EEF2K: variants seen among roughly 807,000 people sequenced by gnomAD.
EEF2K encodes eukaryotic elongation factor 2 kinase, also known as alternative protein EEF2K.
Under a neutral mutation model 93.8 loss-of-function variants are expected in EEF2K, and 70 were observed. That is an observed-to-expected ratio of 0.75 (90% CI 0.62 to 0.91). The LOEUF (loss-of-function observed/expected upper bound fraction) is 0.91. Ranked by LOEUF, EEF2K falls within the 40% of genes least tolerant of loss-of-function variation. EEF2K has a pLI of 0.00. For missense variants in EEF2K, 935 were observed against 972.9 expected, an observed-to-expected ratio of 0.96 and a Z score of 0.52; for synonymous variants, 376 against 380.8, an observed-to-expected ratio of 0.99 and a Z score of 0.15.
intron 13 of EEF2K, among the ~76,000 whole-genome samples, chr16:22,266,070 G>C (rs975173557): frequency 6.6e-6 from 1 of 152,070 alleles, no homozygotes; most frequent in African/African-American, 2.4e-5. Context: ...AATTGGAGCT[G>C]TATTAGCCGG....
chr16:22,276,440 T>C (rs1227696460), intron 16 of EEF2K, among the ~76,000 whole-genome samples: 2 of 152,178 alleles, frequency 1.3e-5, no homozygotes, highest in Admixed American at 1.3e-4. Context: ...TTCTTCCTTA[T>C]TCAAAGCAGT....
chr16:22,208,640 G>A (rs1445442046), intron 1 of EEF2K, among the ~76,000 whole-genome samples: 1 of 151,744 alleles, frequency 6.6e-6, no homozygotes, highest in Non-Finnish European at 1.5e-5. Flanking sequence ...GCTCACACCT[G>A]TAATCCCAGC....
At chr16:22,238,649 C>CAAA (rs111341257) in intron 2 of EEF2K, among the ~76,000 whole-genome samples, 2 of 75,644 alleles carry the variant, frequency 2.6e-5, no homozygotes, top group African/African-American at 1.0e-4. Context: ...TACCTGGTCT[C>CAAA]AAAAAAAAAG....
rs189363550 is a variant in EEF2K at position 22,280,299 on chromosome 16, G to C, written c.1991G>C (p.Arg664Pro). ...GEYDGMQDEP[R>P]YMMLAREAEM... is the part of the protein sequence containing the mutation. ...TACGACGGAATGCAGGACGAGCCCC[G>C]GTACATGATGCTGGCCAGGGAGGCC... Residue 664 changes from arginine (R) to proline (P), a missense_variant, in exon 17 of 18, where the codon CGG (arginine) becomes CCG (proline). Coordinates refer to ENST00000263026, the MANE Select transcript of EEF2K (RefSeq NM_013302.5). The C allele has an allele frequency of 1.2e-6, 2 of 1,608,742 alleles. No homozygotes were observed. Among genetic ancestry groups the C allele is most frequent in the Admixed American group, 1.7e-5 (1 of 59,240 alleles).
rs967048579 is a variant in EEF2K at position 22,284,218 on chromosome 16, A to G, written c.*222A>G. ...GTCTCTTAGGGCAGTATTTTGGGGA[A>G]GTGGGGCTTGAAGAAGCAGCCTAAT... On this transcript the variant is annotated 3_prime_UTR_variant, in exon 18 of 18. Transcript: ENST00000263026. 34 of 518,792 alleles carry G rather than the reference A, an allele frequency of 6.6e-5. No homozygotes were observed. Among genetic ancestry groups the G allele is most frequent in the African/African-American group, 6.1e-4 (32 of 52,498 alleles). The allele number at this position is 518,792 out of a possible 1,614,324, so 32.1% of individuals were successfully genotyped here. A position where few individuals can be genotyped will look rare whatever the true frequency, so the allele number is the denominator to read the frequency against.
intron 15 of EEF2K, among the ~76,000 whole-genome samples, chr16:22,273,291 AG>A (rs1385967484): frequency 6.6e-6 from 1 of 152,212 alleles, no homozygotes; most frequent in Non-Finnish European, 1.5e-5. Context: ...GTCTAGGGAA[AG>A]GGTAGTAACT....
At chr16:22,256,714 C>A (rs746500121) in intron 6 of EEF2K, 34 bp from the exon 7 acceptor site, 2 of 1,604,980 alleles carry the variant, frequency 1.2e-6, no homozygotes, top group African/African-American at 1.3e-5. Context: ...TGCGCCTGGG[C>A]CCTCCCGCCT....
chr16:22,256,749 T>C lies in EEF2K; in HGVS notation c.620T>C (p.Val207Ala). The stretch of plus-strand genomic sequence containing the variant: ...TGAGCCCACTCCCCATCCCACCAGG[T>C]GGACATCATGCAGATGTGCATCATC... ...EYNRHKPPKQVDIMQMCIIEL... is the reference protein window; with the variant it reads ...EYNRHKPPKQADIMQMCIIEL... The change falls in exon 7 of 18, where the codon GTG (valine) becomes GCG (alanine). Residue 207 changes from valine to alanine, a missense_variant and splice_region_variant. Physicochemically the swap from Val to Ala is moderately conservative, Grantham distance 64. Transcript: ENST00000263026. The C allele has an allele frequency of 6.2e-7, 1 of 1,613,650 alleles. No homozygotes were observed. Among genetic ancestry groups the C allele is most frequent in the South Asian group, 1.1e-5 (1 of 91,040 alleles).
At chr16:22,228,538 A>C (rs1360149050) in intron 2 of EEF2K, among the ~76,000 whole-genome samples, 3 of 152,220 alleles carry the variant, frequency 2.0e-5, no homozygotes, top group East Asian at 1.9e-4. Context: ...TTGGAAACCA[A>C]AGAGAACTTT....
chr16:22,272,668 CTT>C (rs34054772), intron 15 of EEF2K, among the ~76,000 whole-genome samples: 24,071 of 142,914 alleles, frequency 0.17, 2,879 homozygotes, highest in African/African-American at 0.36. Context: ...CGGATGTGTA[CTT>C]TTTTTTTTTT....
At chr16:22,212,132 T>C (rs750355999) in intron 1 of EEF2K, among the ~76,000 whole-genome samples, 6 of 152,192 alleles carry the variant, frequency 3.9e-5, no homozygotes, top group Non-Finnish European at 8.8e-5. Context: ...ATATTTTGTG[T>C]TTCATATTCC....
chr16:22,272,279 C>T (rs1421196795), intron 15 of EEF2K, among the ~76,000 whole-genome samples: 3 of 152,070 alleles, frequency 2.0e-5, no homozygotes, highest in Non-Finnish European at 4.4e-5. Flanking sequence ...GAAAACAACC[C>T]AAATGTCTGT....
Position 22,226,919 on chromosome 16 carries a change from G to A in EEF2K, c.246+944G>A, listed in dbSNP as rs1598168693. ...CCCTGTCTCTCAAAAAATAAAATAG[G>A]CTGGGTGCAGTGGCTTACGCCTGTA... is the stretch of plus-strand genomic sequence containing the variant. On this transcript the variant is annotated intron_variant, in intron 2 of 17. Transcript: ENST00000263026. Among the ~76,000 whole-genome samples the A allele has an allele frequency of 2.0e-5, 3 of 152,280 alleles. No homozygotes were observed. The East Asian group carries it at 5.8e-4, about 29-fold the overall frequency.
intron 4 of EEF2K, among the ~76,000 whole-genome samples, chr16:22,249,508 G>A (rs1011286992): frequency 3.9e-5 from 6 of 152,084 alleles, no homozygotes; most frequent in African/African-American, 1.4e-4. Flanking sequence ...GCCCCTCTCA[G>A]TCACTCCTCC....
chr16:22,268,962 A>C (rs559893219), intron 15 of EEF2K, among the ~76,000 whole-genome samples: 2 of 152,116 alleles, frequency 1.3e-5, no homozygotes, highest in South Asian at 4.1e-4. Context: ...ATCTCAAAAA[A>C]AAAAAGCTTT....
chr16:22,228,006 C>CTTTTTTTTTTTTT (rs1051682997), intron 2 of EEF2K, among the ~76,000 whole-genome samples: 2 of 80,024 alleles, frequency 2.5e-5, no homozygotes, highest in Non-Finnish European at 4.5e-5. Context: ...AAACCAAATT[C>CTTTTTTTTTTTTT]TTTTTTTTTT....
intron 11 of EEF2K, among the ~76,000 whole-genome samples, chr16:22,261,820 CATG>C (rs2047466569): frequency 6.6e-6 from 1 of 151,730 alleles, no homozygotes; most frequent in African/African-American, 2.4e-5. Context: ...GTCTGGCCAA[CATG>C]ATGAAACCTC....
At chr16:22,274,933 G>A (rs966140115) in intron 16 of EEF2K, among the ~76,000 whole-genome samples, 10 of 152,138 alleles carry the variant, frequency 6.6e-5, no homozygotes, top group Non-Finnish European at 1.0e-4. Flanking sequence ...TATTTTTTGG[G>A]TGACTAAACT....
intron 1 of EEF2K, among the ~76,000 whole-genome samples, chr16:22,216,099 G>A (rs1332238920): frequency 2.6e-5 from 4 of 152,170 alleles, no homozygotes; most frequent in African/African-American, 9.7e-5. Context: ...TAATGGTGGG[G>A]CCCAGGATTC....
Sources: gnomAD v4.1 joint callset for allele counts (sites outside exome capture counted in the v4.1 genomes callset) on GRCh38, gnomAD v4.1.1 for gene constraint, MANE v1.5 for transcripts, NCBI Gene and HGNC (gene_info 2026-07-23, HGNC 2026-07-21) for gene names.